The following TRMT11 variants were observed in gnomAD, a reference collection of about 807,000 sequenced individuals.
TRMT11 encodes the protein tRNA (guanine(10)-N(2))-methyltransferase TRMT11.
TRMT11 carries 53 observed loss-of-function variants against 62.8 expected under a neutral mutation model. The observed-to-expected ratio is 0.84, with a 90% CI of 0.68 to 1.06. The LOEUF (loss-of-function observed/expected upper bound fraction) is 1.06, where lower values mean the gene tolerates loss of function less well. TRMT11 is among the 50% of genes least tolerant of loss of function. TRMT11 has a pLI of 0.00. For synonymous variants in TRMT11, 188 were observed against 190.3 expected (o/e 0.99, Z 0.10); for missense variants, 556 against 553.4 (o/e 1.00, Z -0.05).
chr6:126,241,554 TG>T, the TRMT11 span, among the ~76,000 whole-genome samples: 1 of 152,182 alleles, frequency 6.6e-6, no homozygotes, highest in Non-Finnish European at 1.5e-5. Context: ...AATAAAATAC[TG>T]GCAAACTGAA....
At chr6:126,023,843 G>C (rs1169332232) in intron 12 of TRMT11, among the ~76,000 whole-genome samples, 1 of 151,940 alleles carries the variant, frequency 6.6e-6, no homozygotes, top group Non-Finnish European at 1.5e-5. Flanking sequence ...AGTTATATTT[G>C]TTACAGTAAT....
intron 7 of TRMT11, among the ~76,000 whole-genome samples, chr6:126,007,847 A>C (rs559090983): frequency 6.6e-6 from 1 of 152,138 alleles, no homozygotes; most frequent in Admixed American, 6.6e-5. Context: ...TAATTACTTG[A>C]TTGGTTACAG....
intron 1 of TRMT11, among the ~76,000 whole-genome samples, chr6:126,187,483 A>G (rs1778539904): frequency 6.6e-6 from 1 of 152,034 alleles, no homozygotes; most frequent in Non-Finnish European, 1.5e-5. Flanking sequence ...ATAGATAAAT[A>G]TCACGTCTGT....
chr6:126,099,849 TG>T (rs1051031734), intron 17 of TRMT11, among the ~76,000 whole-genome samples: 1 of 152,196 alleles, frequency 6.6e-6, no homozygotes, highest in African/African-American at 2.4e-5. Context: ...ACTCCTGAGT[TG>T]ATTTTTGAAA....
intron 17 of TRMT11, among the ~76,000 whole-genome samples, chr6:126,106,348 T>C (rs908333459): frequency 6.6e-6 from 1 of 152,142 alleles, no homozygotes; most frequent in African/African-American, 2.4e-5. Flanking sequence ...TTTCACCATA[T>C]TGGCCAGGCT....
At chr6:126,219,554 G>A in the TRMT11 span, among the ~76,000 whole-genome samples, 995 of 152,172 alleles carry the variant, frequency 6.5e-3, 17 homozygotes, top group African/African-American at 0.023. Flanking sequence ...ACACCTTCCC[G>A]TGATTTCTAA....
the TRMT11 span, among the ~76,000 whole-genome samples, chr6:126,232,584 G>A: frequency 6.6e-6 from 1 of 152,274 alleles, no homozygotes; most frequent in Non-Finnish European, 1.5e-5. Context: ...ATGAAAATGA[G>A]TAGGGCAGGA....
At chr6:126,047,952 G>A (rs375007046) in intron 16 of TRMT11, among the ~76,000 whole-genome samples, 5 of 152,324 alleles carry the variant, frequency 3.3e-5, no homozygotes, top group African/African-American at 1.2e-4. Flanking sequence ...AGCCTTGCTT[G>A]TCATATAAAA....
intron 3 of TRMT11, among the ~76,000 whole-genome samples, chr6:126,200,792 A>G (rs1275882468): frequency 6.6e-6 from 1 of 152,136 alleles, no homozygotes; most frequent in Admixed American, 6.5e-5. Flanking sequence ...TGACCTTGTG[A>G]TCCGCCTGCC....
chr6:126,082,775 T>G (rs541212351), intron 17 of TRMT11, among the ~76,000 whole-genome samples: 70 of 152,198 alleles, frequency 4.6e-4, no homozygotes, highest in Non-Finnish European at 9.7e-4. Flanking sequence ...CTCTAGCTTT[T>G]AATTCAAAGG....
chr6:126,223,657 A>C, the TRMT11 span, among the ~76,000 whole-genome samples: 1 of 152,126 alleles, frequency 6.6e-6, no homozygotes, highest in South Asian at 2.1e-4. Context: ...TGTCTTGTAT[A>C]GTATCTTGCA....
At chr6:126,240,931 G>C in the TRMT11 span, among the ~76,000 whole-genome samples, 1 of 152,200 alleles carries the variant, frequency 6.6e-6, no homozygotes, top group Admixed American at 6.5e-5. Context: ...CCCCAGCCTC[G>C]CTGCTGCCTT....
chr6:126,186,674 G>A (rs1778531396), intron 1 of TRMT11, among the ~76,000 whole-genome samples: 1 of 152,000 alleles, frequency 6.6e-6, no homozygotes, highest in South Asian at 2.1e-4. Flanking sequence ...TTTCATATAT[G>A]TTGTAGGAGT....
chr6:126,209,203 A>G, the TRMT11 span, among the ~76,000 whole-genome samples: 2 of 152,224 alleles, frequency 1.3e-5, no homozygotes, highest in South Asian at 2.1e-4. Context: ...AAAAAAGCCA[A>G]TACTGATTTC....
At chr6:125,988,852 T>C (rs1356971144) in intron 1 of TRMT11, among the ~76,000 whole-genome samples, 1 of 152,228 alleles carries the variant, frequency 6.6e-6, no homozygotes, top group Non-Finnish European at 1.5e-5. Context: ...AGGAAGATTG[T>C]GGCATTGATG....
At chr6:126,097,124 T>C (rs1026292885) in intron 17 of TRMT11, among the ~76,000 whole-genome samples, 1 of 152,180 alleles carries the variant, frequency 6.6e-6, no homozygotes, top group Non-Finnish European at 1.5e-5. Flanking sequence ...CCCCGAAATG[T>C]ATGATTTGAG....
At chr6:126,239,074 C>T in the TRMT11 span, among the ~76,000 whole-genome samples, 1 of 152,104 alleles carries the variant, frequency 6.6e-6, no homozygotes, top group African/African-American at 2.4e-5. Context: ...GTAGATCTTC[C>T]TCCATCCATT....
intron 12 of TRMT11, among the ~76,000 whole-genome samples, chr6:126,025,025 G>A (rs373440218): frequency 2.6e-5 from 4 of 152,092 alleles, no homozygotes; most frequent in South Asian, 2.1e-4. Flanking sequence ...AAAGTAAATG[G>A]CATTAGCATT....
At chr6:125,992,115 G>C (rs1159095530) in intron 1 of TRMT11, among the ~76,000 whole-genome samples, 4 of 152,208 alleles carry the variant, frequency 2.6e-5, no homozygotes, top group African/African-American at 9.6e-5. Context: ...CAAGTAGATT[G>C]ATGAAGTGGT....
Sources: allele counts gnomAD v4.1 joint callset (sites outside exome capture counted in the v4.1 genomes callset), GRCh38; gene constraint gnomAD v4.1.1; transcripts MANE v1.5; gene names NCBI Gene and HGNC (gene_info 2026-07-23, HGNC 2026-07-21).